SYK: variants seen among roughly 807,000 people sequenced by gnomAD.
SYK encodes tyrosine-protein kinase SYK.
A neutral mutation model predicts 77.8 loss-of-function variants in SYK; 16 were observed. The ratio of observed to expected loss-of-function variants is 0.21; its 90% confidence interval spans 0.14 to 0.31. The LOEUF (loss-of-function observed/expected upper bound fraction) is 0.31, where lower values mean the gene tolerates loss of function less well. SYK is among the 10% of genes least tolerant of loss of function. SYK has a pLI of 1.00. For missense variants in SYK, 529 were observed against 814.4 expected, an observed-to-expected ratio of 0.65 and a Z score of 4.26; for synonymous variants, 312 against 308.7, an observed-to-expected ratio of 1.01 and a Z score of -0.11.
intron 1 of SYK, among the ~76,000 whole-genome samples, chr9:90,823,132 A>C (rs1825572968): frequency 6.6e-6 from 1 of 152,084 alleles, no homozygotes; most frequent in Non-Finnish European, 1.5e-5. Context: ...AGGACAAAAA[A>C]CTCATAGTCA....
At chr9:90,872,443 T>A (rs1827766404) in intron 7 of SYK, among the ~76,000 whole-genome samples, 1 of 152,056 alleles carries the variant, frequency 6.6e-6, no homozygotes, top group Non-Finnish European at 1.5e-5. Flanking sequence ...AAAGAGACTT[T>A]AAAAAAAATA....
At chr9:90,839,563 G>A (rs1472086621) in intron 1 of SYK, among the ~76,000 whole-genome samples, 2 of 152,046 alleles carry the variant, frequency 1.3e-5, no homozygotes, top group Non-Finnish European at 2.9e-5. Context: ...ATGCCCAAGT[G>A]CCAGCACCGA....
chr9:90,862,431 C>T (rs931297742), intron 4 of SYK, 87 bp downstream of exon 4: 24 of 1,453,862 alleles, frequency 1.7e-5, no homozygotes, highest in Non-Finnish European at 2.2e-5. Flanking sequence ...ATGAGAGGAA[C>T]TGGACCACCC....
At chr9:90,808,281 G>A (rs1469214150) in intron 1 of SYK, among the ~76,000 whole-genome samples, 1 of 152,266 alleles carries the variant, frequency 6.6e-6, no homozygotes, top group Admixed American at 6.5e-5. Context: ...TCCAAGGAAT[G>A]TAGTTACTTC....
At chr9:90,825,558 G>A (rs935344982) in intron 1 of SYK, among the ~76,000 whole-genome samples, 1 of 152,220 alleles carries the variant, frequency 6.6e-6, no homozygotes, top group African/African-American at 2.4e-5. Context: ...GGTAAATTAA[G>A]TCAAAACAGT....
intron 1 of SYK, among the ~76,000 whole-genome samples, chr9:90,802,796 A>C (rs1826778871): frequency 9.9e-6 from 1 of 101,172 alleles, no homozygotes; most frequent in Admixed American, 1.0e-4. Flanking sequence ...AGTAGAGTTC[A>C]AAGCATTGCA....
intron 1 of SYK, among the ~76,000 whole-genome samples, chr9:90,813,702 T>C (rs1450480710): frequency 6.6e-6 from 1 of 152,136 alleles, no homozygotes; most frequent in Non-Finnish European, 1.5e-5. Context: ...CAAGGATAAA[T>C]AGCTACTGGT....
chr9:90,849,715 C>T (rs1374872495), intron 3 of SYK, among the ~76,000 whole-genome samples: 3 of 152,208 alleles, frequency 2.0e-5, no homozygotes, highest in Admixed American at 6.5e-5. Context: ...ACATACCATT[C>T]GGGTTGTCTG....
At chr9:90,804,352 G>T (rs1193405193) in intron 1 of SYK, among the ~76,000 whole-genome samples, 1 of 152,164 alleles carries the variant, frequency 6.6e-6, no homozygotes, top group Non-Finnish European at 1.5e-5. Context: ...TACAGGAGGG[G>T]TTACTGTCAC....
At chr9:90,876,406 TACAC>T (rs1478021214) in intron 9 of SYK, among the ~76,000 whole-genome samples, 1 of 152,128 alleles carries the variant, frequency 6.6e-6, no homozygotes, top group Non-Finnish European at 1.5e-5. Flanking sequence ...CATGTATGTA[TACAC>T]ACACAAACAT....
intron 1 of SYK, among the ~76,000 whole-genome samples, chr9:90,813,562 A>G (rs1299947542): frequency 1.3e-5 from 2 of 152,182 alleles, no homozygotes; most frequent in Non-Finnish European, 2.9e-5. Context: ...CCCCATCTGC[A>G]AAATGAGGTT....
chr9:90,870,325 A>T (rs917331786), intron 7 of SYK, among the ~76,000 whole-genome samples: 2 of 152,228 alleles, frequency 1.3e-5, no homozygotes, highest in Non-Finnish European at 2.9e-5. Context: ...ACTTCCAGGG[A>T]ACTTTTCAGC....
intron 1 of SYK, among the ~76,000 whole-genome samples, chr9:90,812,740 TA>T (rs1825127103): frequency 9.4e-6 from 1 of 106,642 alleles, no homozygotes; most frequent in Admixed American, 1.1e-4. Context: ...CCCCATTTGA[TA>T]TGTGTGTGTG....
At chr9:90,867,786 T>A (rs1158052505) in intron 7 of SYK, among the ~76,000 whole-genome samples, 1 of 152,248 alleles carries the variant, frequency 6.6e-6, no homozygotes, top group Non-Finnish European at 1.5e-5. Context: ...CTCATTGATT[T>A]CCATGTTTTG....
chr9:90,877,505 AG>A, intron 9 of SYK, 65 bp from the exon 10 acceptor site: 1 of 1,545,244 alleles, frequency 6.5e-7, no homozygotes, highest in Non-Finnish European at 8.9e-7. Context: ...TATGCTTCAC[AG>A]GATAAGATTA....
intron 1 of SYK, among the ~76,000 whole-genome samples, chr9:90,810,131 C>A (rs1381838015): frequency 6.6e-6 from 1 of 152,162 alleles, no homozygotes; most frequent in Non-Finnish European, 1.5e-5. Flanking sequence ...TCAGTCCGAT[C>A]AGGCTTTCAT....
At chr9:90,867,659 G>A (rs1185030316) in intron 7 of SYK, among the ~76,000 whole-genome samples, 1 of 152,144 alleles carries the variant, frequency 6.6e-6, no homozygotes, top group Non-Finnish European at 1.5e-5. Flanking sequence ...GCAGTGCATG[G>A]TAACTTCATT....
At chr9:90,814,837 C>G (rs186405275) in intron 1 of SYK, among the ~76,000 whole-genome samples, 1 of 45,524 alleles carries the variant, frequency 2.2e-5, no homozygotes, top group Admixed American at 2.9e-4. Flanking sequence ...CACACGTGCA[C>G]ACACACACAC....
intron 1 of SYK, among the ~76,000 whole-genome samples, chr9:90,825,313 T>C (rs574099500): frequency 2.6e-5 from 4 of 152,216 alleles, no homozygotes; most frequent in Non-Finnish European, 4.4e-5. Flanking sequence ...GATCTGTAGA[T>C]TCAACCCAAT....
Sources: allele counts gnomAD v4.1 joint callset (sites outside exome capture counted in the v4.1 genomes callset), GRCh38; gene constraint gnomAD v4.1.1; transcripts MANE v1.5; gene names NCBI Gene and HGNC (gene_info 2026-07-23, HGNC 2026-07-21).